The following PLD5 variants were observed in gnomAD, a reference collection of about 807,000 sequenced individuals.
PLD5 encodes inactive phospholipase D5.
In PLD5, 36 loss-of-function variants were observed where a neutral mutation model predicts 61.1. The ratio of observed to expected loss-of-function variants is 0.59; its 90% CI spans 0.45 to 0.78. The LOEUF (loss-of-function observed/expected upper bound fraction) is 0.78. PLD5 is among the 30% of genes least tolerant of loss of function. PLD5 has a pLI of 0.00. For missense variants in PLD5, 515 were observed against 644.4 expected (o/e 0.80, Z 2.17); for synonymous variants, 243 against 242.8 (o/e 1.00, Z -0.01).
At chr1:242,268,141 C>T (rs1190601232) in intron 3 of PLD5, among the ~76,000 whole-genome samples, 1 of 152,056 alleles carries the variant, frequency 6.6e-6, no homozygotes, top group African/African-American at 2.4e-5. Context: ...CCAATAATAC[C>T]TCCTTTTCAG....
intron 5 of PLD5, among the ~76,000 whole-genome samples, chr1:242,157,649 G>A (rs1300921884): frequency 1.3e-5 from 2 of 152,176 alleles, no homozygotes; most frequent in Non-Finnish European, 2.9e-5. Flanking sequence ...GTTTGCCTGG[G>A]TATCACCAGC....
At chr1:242,290,663 G>A (rs1214106938) in intron 2 of PLD5, among the ~76,000 whole-genome samples, 1 of 152,076 alleles carries the variant, frequency 6.6e-6, no homozygotes, top group Non-Finnish European at 1.5e-5. Context: ...GGGAAAAAAA[G>A]AAGCTTGAAT....
At chr1:242,304,993 C>A (rs887641284) in intron 2 of PLD5, among the ~76,000 whole-genome samples, 1 of 152,130 alleles carries the variant, frequency 6.6e-6, no homozygotes, top group African/African-American at 2.4e-5. Flanking sequence ...GTAGTCCCAG[C>A]TACCCCGGAG....
rs1416106452 is a variant in PLD5, at chr1:242,087,452, T to G, written c.*2402A>C. On this transcript the variant is annotated 3_prime_UTR_variant, in exon 10 of 10. Coordinates refer to ENST00000536534, the MANE Select transcript of PLD5 (RefSeq NM_001372062.1). ...GTGTCCCATGGCTGTGGATGAATAC[T>G]TCAGGGGACAACTTGAGAACTAACA... 6.6e-6 allele frequency: 1 copy of G among 152,164 alleles called. No individual in the cohort carries two copies. The highest frequency in any genetic ancestry group is 6.5e-5 in the Admixed American group (1 of 15,278). 9.4% of individuals were successfully genotyped at this position (152,164 alleles called of 1,614,324 possible).
intron 5 of PLD5, among the ~76,000 whole-genome samples, chr1:242,151,007 T>C (rs1180218135): frequency 2.0e-5 from 3 of 151,808 alleles, no homozygotes; most frequent in African/African-American, 7.2e-5. Context: ...GACTTTACAA[T>C]ATAGATTTTT....
chr1:242,198,723 A>G lies in PLD5; in HGVS notation c.735+21265T>C, dbSNP rs909564556. On this transcript the variant is annotated intron_variant, in intron 5 of 9. Coordinates refer to ENST00000536534, the MANE Select transcript of PLD5 (RefSeq NM_001372062.1). ...TAGCAAAAAAAAAAAAAAAAAAAAAAAGTAAAATATCTCATTATTATTATT... is the reference window on the plus strand; with the variant it reads ...TAGCAAAAAAAAAAAAAAAAAAAAAGAGTAAAATATCTCATTATTATTATT... Among the ~76,000 whole-genome samples, 521 of 148,822 alleles carry G rather than the reference A, an allele frequency of 3.5e-3. 2 individuals are homozygous for G. The highest frequency in any genetic ancestry group is 6.3e-3 in the Non-Finnish European group (421 of 67,130).
At chr1:242,294,577 G>C in intron 2 of PLD5, among the ~76,000 whole-genome samples, 1 of 151,992 alleles carries the variant, frequency 6.6e-6, no homozygotes, top group Admixed American at 6.6e-5. Context: ...AGTTTAAAAG[G>C]GTTTGTAATA....
chr1:242,247,023 G>A (rs578128264), intron 4 of PLD5, among the ~76,000 whole-genome samples: 11 of 148,788 alleles, frequency 7.4e-5, no homozygotes, highest in Non-Finnish European at 1.2e-4. Context: ...TCGCTCTGTC[G>A]CCCAGGCTGG....
At chr1:242,458,677 T>C (rs1383124112) in intron 1 of PLD5, among the ~76,000 whole-genome samples, 1 of 152,264 alleles carries the variant, frequency 6.6e-6, no homozygotes, top group East Asian at 1.9e-4. Flanking sequence ...AACCACCATA[T>C]ATGTTATTAG....
intron 5 of PLD5, among the ~76,000 whole-genome samples, chr1:242,143,013 T>C (rs1443295118): frequency 6.7e-6 from 1 of 150,036 alleles, no homozygotes; most frequent in Non-Finnish European, 1.5e-5. Context: ...CCACCGTGCC[T>C]GGCCTCTTTT....
chr1:242,095,319 G>A (rs1660143976), intron 9 of PLD5, among the ~76,000 whole-genome samples: 1 of 152,050 alleles, frequency 6.6e-6, no homozygotes, highest in African/African-American at 2.4e-5. Flanking sequence ...TGCAGCCTCT[G>A]TCTCCCGGGT....
At chr1:242,487,125 T>C (rs1211064145) in intron 1 of PLD5, among the ~76,000 whole-genome samples, 1 of 152,048 alleles carries the variant, frequency 6.6e-6, no homozygotes, top group Non-Finnish European at 1.5e-5. Context: ...GACGAGTTAA[T>C]GGGTGCAGCA....
intron 1 of PLD5, among the ~76,000 whole-genome samples, chr1:242,378,248 T>C (rs1662078476): frequency 1.3e-5 from 2 of 152,278 alleles, no homozygotes; most frequent in South Asian, 4.2e-4. Flanking sequence ...CTAAGTGAAA[T>C]AATCCTGACA....
At chr1:242,460,943 C>A (rs1572190381) in intron 1 of PLD5, among the ~76,000 whole-genome samples, 1 of 151,638 alleles carries the variant, frequency 6.6e-6, no homozygotes, top group African/African-American at 2.4e-5. Context: ...AGTTCCAGAC[C>A]AGCCTGGGCA....
intron 1 of PLD5, among the ~76,000 whole-genome samples, chr1:242,363,237 A>G (rs1661167762): frequency 6.6e-6 from 1 of 151,946 alleles, no homozygotes; most frequent in African/African-American, 2.4e-5. Context: ...CTCAGAGTGG[A>G]CACATATCTT....
At chr1:242,376,911 A>G (rs1400933989) in intron 1 of PLD5, 9 of 1,593,358 alleles carry the variant, frequency 5.6e-6, no homozygotes, top group Non-Finnish European at 7.7e-6. Context: ...TTCCTCATGG[A>G]TCATCTGTGG....
chr1:242,516,010 T>C (rs1457300974), intron 1 of PLD5, among the ~76,000 whole-genome samples: 1 of 152,094 alleles, frequency 6.6e-6, no homozygotes, highest in African/African-American at 2.4e-5. Context: ...GTTTGAATAA[T>C]GGTGTATAAT....
intron 4 of PLD5, among the ~76,000 whole-genome samples, chr1:242,264,890 T>C (rs1436193147): frequency 6.6e-6 from 1 of 152,238 alleles, no homozygotes. Context: ...TGGAATTGTC[T>C]TTAAACTCAT....
intron 3 of PLD5, among the ~76,000 whole-genome samples, chr1:242,273,779 T>C (rs368255141): frequency 6.6e-6 from 1 of 152,204 alleles, no homozygotes; most frequent in Non-Finnish European, 1.5e-5. Context: ...AAAAGGGGAT[T>C]TGACACAACT....
Sources: allele counts gnomAD v4.1 joint callset (sites outside exome capture counted in the v4.1 genomes callset), GRCh38; gene constraint gnomAD v4.1.1; transcripts MANE v1.5; gene names NCBI Gene and HGNC (gene_info 2026-07-23, HGNC 2026-07-21).